Variants in ADRM1 observed in about 807,000 individuals in gnomAD.
ADRM1 encodes the protein proteasomal ubiquitin receptor ADRM1.
ADRM1 carries 2 observed loss-of-function variants against 40.1 expected under a neutral mutation model. The ratio of observed to expected loss-of-function variants is 0.05; its 90% CI spans 0.02 to 0.16. The LOEUF (loss-of-function observed/expected upper bound fraction) is 0.16, where lower values mean the gene tolerates loss of function less well. ADRM1 is among the 10% of genes least tolerant of loss of function. ADRM1 has a pLI of 1.00. For missense variants in ADRM1, 467 were observed against 552.5 expected, an observed-to-expected ratio of 0.85 and a Z score of 1.55; for synonymous variants, 287 against 240.4, an observed-to-expected ratio of 1.19 and a Z score of -1.79.
chr20:62,307,519 C>T, intron 6 of ADRM1, 67 bp downstream of exon 6: 4 of 1,598,372 alleles, frequency 2.5e-6, no homozygotes, highest in African/African-American at 1.3e-5. Flanking sequence ...GGAATCCTGG[C>T]CCAGCACCCT....
chr20:62,306,013 C>T (rs374005615), intron 3 of ADRM1, 184 bp from the exon 4 acceptor site: 11 of 692,200 alleles, frequency 1.6e-5, no homozygotes, highest in Admixed American at 3.0e-5. Flanking sequence ...GCATCGTGCT[C>T]AGGAGGCGCC....
chr20:62,305,467 G>A (rs2146000518), intron 3 of ADRM1: 1 of 152,410 alleles, frequency 6.6e-6, no homozygotes, highest in East Asian at 1.9e-4. Context: ...AAACACAGAT[G>A]GCGGCCACAA....
intron 5 of ADRM1, 154 bp from the exon 6 acceptor site, chr20:62,307,217 C>T (rs1370465339): frequency 1.0e-5 from 7 of 685,152 alleles, no homozygotes; most frequent in African/African-American, 1.8e-5. Flanking sequence ...GTCCACCCGC[C>T]CCACGCCGCT....
At chr20:62,303,335 G>A (rs1289211894) in intron 1 of ADRM1, 3 of 427,518 alleles carry the variant, frequency 7.0e-6, no homozygotes, top group African/African-American at 4.2e-5. Context: ...ACGGCGTCAA[G>A]CCTAGGGCCG....
At chr20:62,304,431 C>T (rs756421418) in intron 2 of ADRM1, 30 bp from the exon 3 acceptor site, 1 of 1,585,218 alleles carries the variant, frequency 6.3e-7, no homozygotes. Flanking sequence ...CCATCTGCGC[C>T]ACTGACTCTC....
Position 62,306,697 on chromosome 20 carries a change from C to T in ADRM1, c.504C>T (p.Leu168=). ...TGGGAAACATGAGCCACAGCCAGCTCATGCAGCTCATCGGACCAGCCGGCC... is the reference window on the plus strand; with the variant it reads ...TGGGAAACATGAGCCACAGCCAGCTTATGCAGCTCATCGGACCAGCCGGCC... ...SLLGNMSHSQ[L]MQLIGPAGLG... The change falls in exon 5 of 10, where the codon CTC becomes CTT. Residue 168 remains leucine (L), a synonymous_variant. Transcript: ENST00000253003. 1 of 1,610,062 alleles carries T rather than the reference C, an allele frequency of 6.2e-7. No homozygotes were observed. The highest frequency in any genetic ancestry group is 1.1e-5 in the South Asian group (1 of 90,598).
At chr20:62,305,035 C>T (rs1013414856) in intron 3 of ADRM1, among the ~76,000 whole-genome samples, 1 of 152,252 alleles carries the variant, frequency 6.6e-6, no homozygotes, top group South Asian at 2.1e-4. Context: ...CAGGGTTTCT[C>T]TTACCCACAG....
chr20:62,307,742 G>T lies in ADRM1; in HGVS notation c.770G>T (p.Ser257Ile). Residue 257 changes from serine to isoleucine, a missense_variant, in exon 7 of 10, where the codon AGC (serine) becomes ATC (isoleucine). Ser to Ile is a moderately radical substitution (Grantham distance 142, BLOSUM62 -2). Coordinates refer to ENST00000253003, the MANE Select transcript of ADRM1 (RefSeq NM_007002.4). The stretch of plus-strand genomic sequence containing the variant: ...GGGAATGGAGCCAGCACAGCAGCCA[G>T]CCCGACCCAGCCCATCCAGCTGAGC... ...SSGNGASTAA[S>I]PTQPIQLSDL... 6.2e-7 allele frequency: 1 copy of T among 1,611,914 alleles called. No homozygotes were observed. Among genetic ancestry groups the T allele is most frequent in the Non-Finnish European group, 8.5e-7 (1 of 1,179,756 alleles).
Position 62,303,769 on chromosome 20 carries a change from G to A in ADRM1, c.201G>A (p.Gly67=), listed in dbSNP as rs1184582665. ...IHFCWKDRTS[G]NVEDDLIIFP... is the part of the protein sequence containing the mutation. ...TCTGCTGGAAGGACAGGACGTCCGG[G>A]AACGTGGAAGACGTGAGTGTCCCTG... The change falls in exon 2 of 10, where the codon GGG becomes GGA. Residue 67 remains glycine, a synonymous_variant. Transcript: ENST00000253003. The A allele has an allele frequency of 6.2e-7, 1 of 1,610,668 alleles. No homozygotes were observed. The highest frequency in any genetic ancestry group is 8.5e-7 in the Non-Finnish European group (1 of 1,179,808).
At position 62,308,400 on chromosome 20, in the gene ADRM1, G is replaced by A. The variant is rs369524429; in HGVS notation, c.1047G>A (p.Ser349=). The change falls in exon 9 of 10, where the codon TCG becomes TCA. Residue 349 remains serine, a synonymous_variant. Transcript: ENST00000253003. ...GCATGTTCAGCGCAGCCTTGGCCTC[G>A]GGGCAGCTGGGCCCCCTCATGTGCC... is the stretch of plus-strand genomic sequence containing the variant. ...ALGMFSAALA[S]GQLGPLMCQF... is the part of the protein sequence containing the mutation. 56 of 1,608,466 alleles carry A rather than the reference G, an allele frequency of 3.5e-5. No homozygotes were observed. Among genetic ancestry groups the A allele is most frequent in the Non-Finnish European group, 4.4e-5 (52 of 1,178,912 alleles).
intron 3 of ADRM1, among the ~76,000 whole-genome samples, chr20:62,305,273 T>C (rs1568869598): frequency 6.6e-6 from 1 of 152,080 alleles, no homozygotes; most frequent in Admixed American, 6.6e-5. Flanking sequence ...AAGGCCATGC[T>C]CTCTGCCAGA....
chr20:62,303,530 G>A (rs536896901), intron 1 of ADRM1, 38 bp from the exon 2 acceptor site: 1 of 1,538,594 alleles, frequency 6.5e-7, no homozygotes, highest in East Asian at 2.3e-5. Context: ...GCAGGCGACA[G>A]TGACCGCCGC....
At position 62,308,012 on chromosome 20, in the gene ADRM1, G is replaced by A. The variant is rs1290312155; in HGVS notation, c.857-9G>A. ...TCATCGAGCTGATGGCCGTGTTCTT[G>A]TGCCCCAGTGGACCTGGCCAGTGTG... On this transcript the variant is annotated splice_polypyrimidine_tract_variant and intron_variant, in intron 7 of 9. Transcript: ENST00000253003. 1 of 1,605,038 alleles carries A rather than the reference G, an allele frequency of 6.2e-7. No homozygotes were observed.
rs894590100 is a variant in ADRM1 at position 62,303,069 on chromosome 20, TGGGGCGGCCG to T, written c.-2+27_-2+36del. 4.3e-5 allele frequency: 6 copies of T among 139,060 alleles called. No individual in the cohort carries two copies. The highest frequency in any genetic ancestry group is 1.6e-4 in the African/African-American group (6 of 36,420). 8.6% of individuals were successfully genotyped at this position (139,060 alleles called of 1,614,324 possible). On this transcript the variant is annotated intron_variant, in intron 1 of 9. Coordinates refer to ENST00000253003, the MANE Select transcript of ADRM1 (RefSeq NM_007002.4). Reference sequence around the variant, plus strand: ...AGGCAGGTGCGGGAGTCGCCGGGCCTGGGGCGGCCGGGGGCGACCGGAGGCGGGGGCAGGG... The same window carrying T: ...AGGCAGGTGCGGGAGTCGCCGGGCCTGGGGCGACCGGAGGCGGGGGCAGGG...
intron 7 of ADRM1, 33 bp from the exon 8 acceptor site, chr20:62,307,988 C>T (rs1985388064): frequency 6.3e-7 from 1 of 1,595,996 alleles, no homozygotes; most frequent in Non-Finnish European, 8.5e-7. Context: ...CTTAGGCTGT[C>T]ATCGAGCTGA....
intron 1 of ADRM1, 33 bp from the exon 2 acceptor site, chr20:62,303,535 C>A: frequency 6.5e-7 from 1 of 1,541,682 alleles, no homozygotes; most frequent in Non-Finnish European, 8.7e-7. Flanking sequence ...CGACAGTGAC[C>A]GCCGCGTCTC....
rs746886223 is a variant in ADRM1, at chr20:62,308,489, A to T, written c.1117+19A>T. ...AAGGGCGGTAAGTGGCTGCGCCTGC[A>T]CCTCCAGGCCAGAGCCAGGGGCAGG... On this transcript the variant is annotated intron_variant, in intron 9 of 9. Transcript: ENST00000253003. 1.9e-6 allele frequency: 3 copies of T among 1,584,518 alleles called. No individual in the cohort carries two copies. The South Asian group carries it at 3.4e-5, about 18-fold the overall frequency.
intron 3 of ADRM1, 77 bp from the exon 4 acceptor site, chr20:62,306,120 C>A: frequency 1.3e-6 from 2 of 1,550,868 alleles, no homozygotes; most frequent in Middle Eastern, 1.8e-4. Flanking sequence ...CACCTGGAAG[C>A]CAGGTCAGAG....
At chr20:62,307,250 C>G (rs1985155784) in intron 5 of ADRM1, 121 bp from the exon 6 acceptor site, 2 of 1,001,014 alleles carry the variant, frequency 2.0e-6, no homozygotes, top group Non-Finnish European at 2.9e-6. Flanking sequence ...TGGGTCCCCA[C>G]CGCCCCGCTT....
Sources: allele counts gnomAD v4.1 joint callset (sites outside exome capture counted in the v4.1 genomes callset), GRCh38; gene constraint gnomAD v4.1.1; transcripts MANE v1.5; gene names NCBI Gene and HGNC (gene_info 2026-07-23, HGNC 2026-07-21).